PSMG2: variants seen among roughly 807,000 people sequenced by gnomAD.
PSMG2 encodes CD40 ligand-activated specific transcript 3.
In PSMG2, 21 loss-of-function variants were observed where a neutral mutation model predicts 31.5. The observed-to-expected ratio is 0.67, with a 90% confidence interval of 0.47 to 0.96. PSMG2 has a LOEUF of 0.96. Among genes scored for constraint, PSMG2 ranks in the 40% least tolerant of loss-of-function variants. The pLI is 0.00. For missense variants in PSMG2, 318 were observed against 321.2 expected (o/e 0.99, Z 0.08); for synonymous variants, 120 against 110.4 (o/e 1.09, Z -0.54).
chr18:12,701,818 CAT>C (rs1231283871), upstream of PSMG2, among the ~76,000 whole-genome samples: 12 of 152,232 alleles, frequency 7.9e-5, no homozygotes, highest in South Asian at 4.1e-4. Flanking sequence ...CTGATACCCA[CAT>C]GTTTCAGCGG....
intron 2 of PSMG2, among the ~76,000 whole-genome samples, chr18:12,709,875 G>A (rs2040311703): frequency 6.7e-6 from 1 of 148,940 alleles, no homozygotes; most frequent in Non-Finnish European, 1.5e-5. Context: ...ACCTCAGGCA[G>A]TTCACCCGCC....
chr18:12,699,981 T>A, upstream of PSMG2: 1 of 939,358 alleles, frequency 1.1e-6, no homozygotes, highest in Non-Finnish European at 1.6e-6. Flanking sequence ...TAAACATGAC[T>A]AAGCACTGAA....
At chr18:12,664,491 A>G (rs904119129) in intron 1 of PSMG2, among the ~76,000 whole-genome samples, 9 of 151,752 alleles carry the variant, frequency 5.9e-5, no homozygotes, top group Non-Finnish European at 1.2e-4. Flanking sequence ...CAGAGATCGC[A>G]GTGAGCCAAG....
intron 2 of PSMG2, among the ~76,000 whole-genome samples, chr18:12,709,205 C>G (rs1472878202): frequency 6.6e-6 from 1 of 151,342 alleles, no homozygotes; most frequent in African/African-American, 2.4e-5. Flanking sequence ...GCCACCACGC[C>G]CGGCTGATTT....
chr18:12,722,724 G>A (rs1413763971), intron 5 of PSMG2, among the ~76,000 whole-genome samples: 1 of 152,194 alleles, frequency 6.6e-6, no homozygotes, highest in Non-Finnish European at 1.5e-5. Context: ...AAATAAAAAA[G>A]TAATAATAAT....
At chr18:12,674,456 AAG>A in intron 1 of PSMG2, 17 of 1,036,292 alleles carry the variant, frequency 1.6e-5, no homozygotes, top group East Asian at 4.9e-5. Flanking sequence ...AAAAAAAAAA[AAG>A]GAAATTAAAA....
At chr18:12,677,259 G>T (rs918621050) in intron 1 of PSMG2, among the ~76,000 whole-genome samples, 17 of 151,880 alleles carry the variant, frequency 1.1e-4, no homozygotes, top group Admixed American at 1.1e-3. Context: ...GGCCAACATG[G>T]TGAAACCCTA....
At chr18:12,716,499 C>T (rs1339075681) in intron 3 of PSMG2, among the ~76,000 whole-genome samples, 1 of 151,370 alleles carries the variant, frequency 6.6e-6, no homozygotes, top group Non-Finnish European at 1.5e-5. Context: ...GTTCACGCCA[C>T]TCTCCTGCCT....
At chr18:12,697,025 G>A (rs1226443193) in intron 1 of PSMG2, among the ~76,000 whole-genome samples, 1 of 152,150 alleles carries the variant, frequency 6.6e-6, no homozygotes, top group Non-Finnish European at 1.5e-5. Flanking sequence ...AGGTCAGATT[G>A]ACCATGAAGT....
rs2040364820 is a variant in PSMG2 at position 12,715,045 on chromosome 18, G to A, written c.288+2285G>A. 2.0e-5 allele frequency among the ~76,000 whole-genome samples: 3 copies of A among 150,704 alleles called. No homozygotes were observed. In the South Asian group the frequency reaches 6.3e-4, roughly 32 times the overall value. ...TTTTTTGAGGCAGAGTTTTACTCTT[G>A]TCACCCAGGCTGGAGTTCAGTGGTG... On this transcript the variant is annotated intron_variant, in intron 3 of 6. Transcript: ENST00000317615.
Position 12,678,132 on chromosome 18 carries a change from G to C in PSMG2, c.-37+19359G>C, listed in dbSNP as rs142832499. The C allele has an allele frequency of 3.7e-6, 6 of 1,612,718 alleles. No individual in the cohort carries two copies. The highest frequency in any genetic ancestry group is 5.1e-6 in the Non-Finnish European group (6 of 1,178,816). ...ACCTTCCTGTGTTCTGACACCAGGAGCCTCAGCTGCATTTCAATTTCATTA... is the reference window on the plus strand; with the variant it reads ...ACCTTCCTGTGTTCTGACACCAGGACCCTCAGCTGCATTTCAATTTCATTA... On this transcript the variant is annotated intron_variant, in intron 1 of 6. Transcript: ENST00000585331.
intron 1 of PSMG2, among the ~76,000 whole-genome samples, chr18:12,665,931 G>A (rs375541824): frequency 1.1e-4 from 16 of 152,182 alleles, no homozygotes; most frequent in Admixed American, 7.2e-4. Context: ...GCCTGACCCC[G>A]TGATCTGCCC....
At chr18:12,670,534 G>C (rs2038916647) in intron 1 of PSMG2, 3 of 152,120 alleles carry the variant, frequency 2.0e-5, no homozygotes, top group African/African-American at 4.8e-5. Context: ...TGTTAATACA[G>C]CCTTGATCTT....
rs575360846 is a variant in PSMG2 at position 12,719,816 on chromosome 18, T to G, written c.408-694T>G. ...TCGAGTCACTGCAACCTCTGCCTCC[T>G]GGGTTCAAGCGGTTCTCCTGCCTCA... On this transcript the variant is annotated intron_variant, in intron 4 of 6. Coordinates refer to ENST00000317615, the MANE Select transcript of PSMG2 (RefSeq NM_020232.5). Among the ~76,000 whole-genome samples, 372 of 147,274 alleles carry G rather than the reference T, an allele frequency of 2.5e-3. 1 individual carries two copies. Among genetic ancestry groups the G allele is most frequent in the African/African-American group, 9.0e-3 (358 of 39,600 alleles).
At chr18:12,672,793 T>TA in intron 1 of PSMG2, 1 of 981,328 alleles carries the variant, frequency 1.0e-6, no homozygotes, top group Non-Finnish European at 1.2e-6. Context: ...TTTCTGGTAT[T>TA]AGTTTTTTCC....
intron 3 of PSMG2, among the ~76,000 whole-genome samples, chr18:12,718,255 T>C (rs1425000687): frequency 6.6e-6 from 1 of 152,050 alleles, no homozygotes; most frequent in Non-Finnish European, 1.5e-5. Context: ...GTGATCCGCC[T>C]GCCTCCCAAA....
chr18:12,709,944 CTTTT>C (rs768131982), intron 2 of PSMG2, among the ~76,000 whole-genome samples: 3 of 132,206 alleles, frequency 2.3e-5, no homozygotes, highest in Admixed American at 7.7e-5. Flanking sequence ...CCCTCATAAA[CTTTT>C]TTTTTTTTTT....
In PSMG2 at chr18:12,687,254, T is replaced by C. The variant is rs74876659; in HGVS notation, c.-36-19296T>C. 8.8e-3 allele frequency among the ~76,000 whole-genome samples: 1,338 copies of C among 152,278 alleles called. 26 individuals carry two copies. Among genetic ancestry groups the C allele is most frequent in the African/African-American group, 0.03 (1,231 of 41,538 alleles). ...ACCCAGCCAAAAGAAACACCATCTG[T>C]TTGAATTATCAGAACCACTGATGTC... is the stretch of plus-strand genomic sequence containing the variant. On this transcript the variant is annotated intron_variant, in intron 1 of 6. Transcript: ENST00000585331.
rs147223115 is a variant in PSMG2, at chr18:12,708,892, A to G, written c.229+2171A>G. Among the ~76,000 whole-genome samples, 113 of 149,944 alleles carry G rather than the reference A, an allele frequency of 7.5e-4. No homozygotes were observed. The East Asian group carries it at 0.022, about 29-fold the overall frequency. On this transcript the variant is annotated intron_variant, in intron 2 of 6. Transcript: ENST00000317615. Reference sequence around the variant, plus strand: ...GACTACTTTTTGTTTTTGTGTTTTTAGTAAAGATGGGGTTTCGCCATGTTG... The same window carrying G: ...GACTACTTTTTGTTTTTGTGTTTTTGGTAAAGATGGGGTTTCGCCATGTTG...
Sources: gnomAD v4.1 joint callset for allele counts (sites outside exome capture counted in the v4.1 genomes callset) on GRCh38, gnomAD v4.1.1 for gene constraint, MANE v1.5 for transcripts, NCBI Gene and HGNC (gene_info 2026-07-23, HGNC 2026-07-21) for gene names.